API5: variants seen among roughly 807,000 people sequenced by gnomAD.
API5 encodes the protein apoptosis inhibitor 5.
API5 carries 6 observed loss-of-function variants against 71.9 expected under a neutral mutation model. That is an observed-to-expected ratio of 0.08 (90% CI 0.05 to 0.16). API5 has a LOEUF of 0.16. Among genes scored for constraint, API5 ranks in the 10% least tolerant of loss-of-function variants. API5 has a pLI of 1.00. For synonymous variants in API5, 189 were observed against 221.3 expected (o/e 0.85, Z 1.30); for missense variants, 332 against 612.8 (o/e 0.54, Z 4.84).
chr11:43,324,709 G>A (rs1299895579), intron 6 of API5, among the ~76,000 whole-genome samples: 1 of 151,938 alleles, frequency 6.6e-6, no homozygotes, highest in African/African-American at 2.4e-5. Context: ...ACAGAGTCTC[G>A]CTCCATCCCC....
chr11:43,323,839 T>C (rs1430115962), intron 6 of API5, among the ~76,000 whole-genome samples: 1 of 152,166 alleles, frequency 6.6e-6, no homozygotes, highest in Non-Finnish European at 1.5e-5. Context: ...CCTGAAATGC[T>C]TTAATGAGCA....
At chr11:43,332,504 T>G (rs532918938) in intron 11 of API5, among the ~76,000 whole-genome samples, 2 of 152,260 alleles carry the variant, frequency 1.3e-5, no homozygotes, top group South Asian at 4.1e-4. Flanking sequence ...CACTTACTTA[T>G]GTTTACTGGT....
chr11:43,329,123 C>T, intron 9 of API5: 2 of 466,360 alleles, frequency 4.3e-6, no homozygotes, highest in Admixed American at 3.4e-5. Context: ...AGGAGGGTTG[C>T]TTGACACCAG....
chr11:43,315,157 A>T (rs566941754), intron 1 of API5, among the ~76,000 whole-genome samples: 1 of 152,148 alleles, frequency 6.6e-6, no homozygotes, highest in Non-Finnish European at 1.5e-5. Flanking sequence ...ACTACAGACT[A>T]TTCCCTCCCC....
At chr11:43,341,718 G>A (rs1024577568) in intron 13 of API5, among the ~76,000 whole-genome samples, 2 of 152,054 alleles carry the variant, frequency 1.3e-5, no homozygotes, top group African/African-American at 2.4e-5. Flanking sequence ...AATATTGAAT[G>A]TTCCCAACAC....
rs774593099 is a variant in API5, at chr11:43,330,529, T to C, written c.1243T>C (p.Leu415=). The change falls in exon 11 of 14, where the codon TTG becomes CTG. Residue 415 remains leucine (L), a synonymous_variant. Transcript: ENST00000531273. The part of the protein sequence containing the change: ...TEENKIKVVA[L]KITNNINVLI... The stretch of plus-strand genomic sequence containing the variant: ...GTAGAACAAGATTAAAGTCGTTGCA[T>C]TGAAAATAACAAACAATATCAATGT... 1.9e-6 allele frequency: 3 copies of C among 1,600,120 alleles called. No individual in the cohort carries two copies. Among genetic ancestry groups the C allele is most frequent in the African/African-American group, 1.3e-5 (1 of 74,642 alleles).
At chr11:43,321,237 C>T (rs940665374) in intron 3 of API5, among the ~76,000 whole-genome samples, 174 bp from the exon 4 acceptor site, 2 of 152,140 alleles carry the variant, frequency 1.3e-5, no homozygotes, top group African/African-American at 2.4e-5. Flanking sequence ...CATGCCAGAT[C>T]GGGTTCTCAA....
At chr11:43,326,198 G>C (rs1262183688) in intron 6 of API5, among the ~76,000 whole-genome samples, 1 of 152,148 alleles carries the variant, frequency 6.6e-6, no homozygotes, top group African/African-American at 2.4e-5. Flanking sequence ...AGGACCCTCA[G>C]TTGTTCAGAG....
At chr11:43,327,381 A>T (rs2134362190) in intron 7 of API5, among the ~76,000 whole-genome samples, 1 of 152,370 alleles carries the variant, frequency 6.6e-6, no homozygotes, top group South Asian at 2.1e-4. Context: ...ATGAGTAATT[A>T]GTTCTTAGCT....
chr11:43,330,099 T>A (rs755754469), intron 10 of API5, 41 bp downstream of exon 10: 1 of 1,488,714 alleles, frequency 6.7e-7, no homozygotes, highest in South Asian at 1.1e-5. Flanking sequence ...GCTAGTTCCA[T>A]ACCAAACTAT....
intron 1 of API5, among the ~76,000 whole-genome samples, chr11:43,314,736 T>C (rs1284007016): frequency 6.6e-6 from 1 of 152,214 alleles, no homozygotes; most frequent in African/African-American, 2.4e-5. Flanking sequence ...AGCTCAAATA[T>C]TGTGAATTGT....
chr11:43,329,865 C>A, intron 9 of API5, 100 bp from the exon 10 acceptor site: 1 of 906,428 alleles, frequency 1.1e-6, no homozygotes, highest in Non-Finnish European at 1.7e-6. Flanking sequence ...GGTCATGTAA[C>A]CATTTCTGCA....
intron 1 of API5, among the ~76,000 whole-genome samples, chr11:43,312,804 A>G (rs1854529096): frequency 6.6e-6 from 1 of 152,164 alleles, no homozygotes; most frequent in Non-Finnish European, 1.5e-5. Context: ...GAGGGAGTGT[A>G]GTAAGAAAGA....
chr11:43,315,250 A>G (rs1854630784), intron 1 of API5, among the ~76,000 whole-genome samples: 1 of 152,160 alleles, frequency 6.6e-6, no homozygotes, highest in African/African-American at 2.4e-5. Context: ...TTTATCGGCT[A>G]ATTTCCCCAA....
In API5 at chr11:43,342,446, G is replaced by T. The variant is rs897977894; in HGVS notation, c.1511G>T (p.Arg504Met). The part of the protein sequence containing the change: ...NFNYEQRGAF[R>M]GSRGGRGWGT... ...TTCGTAGAGCAGAGAGGAGCCTTCA[G>T]GGGAAGTAGAGGTGGCCGAGGTTGG... Residue 504 changes from arginine to methionine, a missense_variant, in exon 14 of 14, where the codon AGG becomes ATG. Physicochemically the swap from Arg to Met is moderately conservative, Grantham distance 91. Around this residue, in one of 3 missense-constraint regions of API5, gnomAD observed 168 missense variants for 343.9 expected, o/e 0.49. Transcript: ENST00000531273. The T allele has an allele frequency of 1.9e-6, 3 of 1,610,702 alleles. No homozygotes were observed. In the East Asian group the frequency reaches 6.7e-5, roughly 36 times the overall value.
chr11:43,327,674 A>G, intron 7 of API5, 115 bp from the exon 8 acceptor site: 3 of 718,994 alleles, frequency 4.2e-6, no homozygotes, highest in Non-Finnish European at 6.6e-6. Context: ...TTCAAATGTT[A>G]TGATTCTGTG....
intron 9 of API5, 193 bp downstream of exon 9, chr11:43,329,086 A>G: frequency 1.7e-6 from 1 of 589,610 alleles, no homozygotes; most frequent in South Asian, 2.3e-5. Context: ...TCACGTCTGT[A>G]ATCCCAGCAC....
intron 1 of API5, among the ~76,000 whole-genome samples, chr11:43,313,516 A>C (rs1232240771): frequency 6.6e-6 from 1 of 152,156 alleles, no homozygotes; most frequent in Non-Finnish European, 1.5e-5. Context: ...GTCTATTAAC[A>C]GTCGTGGGAG....
At chr11:43,312,772 C>T (rs1854525907) in intron 1 of API5, among the ~76,000 whole-genome samples, 1 of 152,122 alleles carries the variant, frequency 6.6e-6, no homozygotes, top group Non-Finnish European at 1.5e-5. Context: ...AAGGTCCGCG[C>T]TCTCCCAGAA....
Sources: allele counts gnomAD v4.1 joint callset (sites outside exome capture counted in the v4.1 genomes callset), GRCh38; gene constraint gnomAD v4.1.1; regional missense constraint gnomAD v4.1.1; transcripts MANE v1.5; gene names NCBI Gene and HGNC (gene_info 2026-07-23, HGNC 2026-07-21).